DTX2: variants seen among roughly 807,000 people sequenced by gnomAD.
DTX2 encodes deltex E3 ubiquitin ligase 2.
A neutral mutation model predicts 55.3 loss-of-function variants in DTX2; 29 were observed. The observed-to-expected ratio is 0.52, with a 90% CI of 0.39 to 0.71. DTX2 has a LOEUF of 0.71. Ranked by LOEUF, DTX2 falls within the 30% of genes least tolerant of loss-of-function variation. The pLI is 0.00. For synonymous variants in DTX2, 276 were observed against 340.4 expected (o/e 0.81, Z 2.08); for missense variants, 537 against 822.5 (o/e 0.65, Z 4.25).
In DTX2 at chr7:76,505,476, C is replaced by T. The variant is rs1487446569; in HGVS notation, c.1744C>T (p.His582Tyr). The part of the protein sequence containing the change: ...ETDTVVWNEI[H>Y]HKTEMDRNIT... ...GGACACCGTGGTATGGAACGAGATC[C>T]ACCACAAGACAGAGATGGACCGCAA... is the stretch of plus-strand genomic sequence containing the variant. Residue 582 changes from histidine (H) to tyrosine (Y), a missense_variant, in exon 11 of 11, where the codon CAC becomes TAC. His to Tyr is a moderately conservative substitution (Grantham distance 83, BLOSUM62 2). Coordinates refer to ENST00000430490, the MANE Select transcript of DTX2 (RefSeq NM_001102594.3). The surrounding 1 kb of genome is among the most constrained non-coding windows in gnomAD (Gnocchi z 4.4). 1 of 1,609,032 alleles carries T rather than the reference C, an allele frequency of 6.2e-7. No individual in the cohort carries two copies. The highest frequency in any genetic ancestry group is 8.5e-7 in the Non-Finnish European group (1 of 1,177,964).
intron 3 of DTX2, 86 bp from the exon 4 acceptor site, chr7:76,482,422 A>G (rs1454594081): frequency 4.4e-6 from 6 of 1,367,812 alleles, no homozygotes; most frequent in Non-Finnish European, 1.0e-6. Context: ...CTATTTGTTT[A>G]TTTTGGCGGT....
At position 76,482,944 on chromosome 7, in the gene DTX2, T is replaced by G. The variant is rs773194901; in HGVS notation, c.705T>G (p.Ala235=). 4.3e-6 allele frequency: 7 copies of G among 1,613,708 alleles called. No homozygotes were observed. The highest frequency in any genetic ancestry group is 5.9e-6 in the Non-Finnish European group (7 of 1,179,738). The stretch of plus-strand genomic sequence containing the variant: ...CCCAGCACCCCCCACACAGGACCGC[T>G]TCTGTGTTTGGGACCCACCAGGCCT... ...PVPQHPPHRT[A]SVFGTHQAFA... is the part of the protein sequence containing the mutation. Residue 235 remains alanine, a synonymous_variant, in exon 4 of 11, where the codon GCT becomes GCG. Coordinates refer to ENST00000430490, the MANE Select transcript of DTX2 (RefSeq NM_001102594.3).
chr7:76,488,691 T>C (rs1810137853), intron 4 of DTX2, among the ~76,000 whole-genome samples: 1 of 74,358 alleles, frequency 1.3e-5, no homozygotes, highest in South Asian at 5.3e-4. Context: ...AGTTCAGGAG[T>C]TCAAGACCAG....
chr7:76,475,178 G>T (rs1321531208), intron 2 of DTX2, among the ~76,000 whole-genome samples: 1 of 151,728 alleles, frequency 6.6e-6, no homozygotes. Context: ...GGGCTTGGTG[G>T]TGGGTGCCTG....
rs73363181 is a variant in DTX2, at chr7:76,505,412, C to T, written c.1680C>T (p.Leu560=). Residue 560 remains leucine, a synonymous_variant, in exon 11 of 11, where the codon CTC becomes CTT. Coordinates refer to ENST00000430490, the MANE Select transcript of DTX2 (RefSeq NM_001102594.3). This position sits in a 1 kb window ranked among gnomAD's most constrained non-coding sequence, Gnocchi z 4.4. ...ELLKVAWKRR[L]IFTVGTSSTT... ...TGAAGGTGGCCTGGAAGAGGCGGCT[C>T]ATCTTCACAGTGGGCACGTCCAGCA... 14,129 of 1,593,714 alleles carry T rather than the reference C, an allele frequency of 8.9e-3. 690 individuals carry two copies. In the African/African-American group the frequency reaches 0.13, roughly 15 times the overall value.
chr7:76,471,852 G>A (rs1286666481), intron 2 of DTX2, among the ~76,000 whole-genome samples: 1 of 151,360 alleles, frequency 6.6e-6, no homozygotes, highest in South Asian at 2.1e-4. Context: ...CTTGGTTCTG[G>A]AGAAGCTGGT....
rs1268642616 is a variant in DTX2, at chr7:76,505,394, G to A, written c.1662G>A (p.Val554=). 1 of 1,585,342 alleles carries A rather than the reference G, an allele frequency of 6.3e-7. No individual in the cohort carries two copies. Among genetic ancestry groups the A allele is most frequent in the Non-Finnish European group, 8.6e-7 (1 of 1,166,262 alleles). The change falls in exon 11 of 11, where the codon GTG becomes GTA. Residue 554 remains valine (V), a synonymous_variant. Coordinates refer to ENST00000430490, the MANE Select transcript of DTX2 (RefSeq NM_001102594.3). This position sits in a 1 kb window ranked among gnomAD's most constrained non-coding sequence, Gnocchi z 4.4. ...GGCAGGTCCTAGAGCTCCTGAAGGTGGCCTGGAAGAGGCGGCTCATCTTCA... is the reference window on the plus strand; with the variant it reads ...GGCAGGTCCTAGAGCTCCTGAAGGTAGCCTGGAAGAGGCGGCTCATCTTCA... The part of the protein sequence containing the change: ...QGRKVLELLK[V]AWKRRLIFTV...
rs1176704515 is a variant in DTX2, at chr7:76,503,506, A to G, written c.1470A>G (p.Val490=). 1 of 1,612,974 alleles carries G rather than the reference A, an allele frequency of 6.2e-7. No individual in the cohort carries two copies. The highest frequency in any genetic ancestry group is 8.5e-7 in the Non-Finnish European group (1 of 1,179,936). The change falls in exon 9 of 11, where the codon GTA becomes GTG. Residue 490 remains valine (V), a synonymous_variant. Coordinates refer to ENST00000430490, the MANE Select transcript of DTX2 (RefSeq NM_001102594.3). ...TGTQPQGKME[V]LRFQMSLPGH... ...CCCAGCCCCAGGGAAAGATGGAGGT[A>G]TTACGGTTCCAGATGTCGCTCCCCG...
chr7:76,487,159 G>A (rs1464112611), intron 4 of DTX2, among the ~76,000 whole-genome samples: 1 of 55,586 alleles, frequency 1.8e-5, no homozygotes, highest in African/African-American at 7.9e-5. Flanking sequence ...CTGGGCTCAA[G>A]GGATCCTCCT....
In DTX2 at chr7:76,500,451, G is replaced by A. The variant is rs761244074; in HGVS notation, c.1161G>A (p.Pro387=). Residue 387 remains proline, a synonymous_variant, in exon 7 of 11, where the codon CCG becomes CCA. Coordinates refer to ENST00000430490, the MANE Select transcript of DTX2 (RefSeq NM_001102594.3). The part of the protein sequence containing the change: ...LRKMSVKGAT[P]KPEPEPEQVI... ...ACTTCTCTCTTCTAGGAGCGACCCC[G>A]AAGCCAGAGCCAGAGCCAGAGCAGG... 6 of 739,042 alleles carry A rather than the reference G, an allele frequency of 8.1e-6. No homozygotes were observed. The East Asian group carries it at 1.1e-4, about 14-fold the overall frequency. 45.8% of individuals were successfully genotyped at this position (739,042 alleles called of 1,614,324 possible).
Position 76,482,748 on chromosome 7 carries a change from G to A in DTX2, c.509G>A (p.Arg170His), listed in dbSNP as rs750077248. 22 of 1,613,818 alleles carry A rather than the reference G, an allele frequency of 1.4e-5. No individual in the cohort carries two copies. Among genetic ancestry groups the A allele is most frequent in the African/African-American group, 8.0e-5 (6 of 75,000 alleles). The change falls in exon 4 of 11, where the codon CGC becomes CAC. Residue 170 changes from arginine to histidine, a missense_variant. Around this residue, in one of 7 missense-constraint regions of DTX2, gnomAD observed 301 missense variants for 396.6 expected, o/e 0.76. Transcript: ENST00000430490. Reference protein sequence around the residue: ...TQTNKTSSFCRSVRRQAGPPY... With the variant: ...TQTNKTSSFCHSVRRQAGPPY... ...ACCAACAAGACTTCCAGCTTCTGCC[G>A]CAGCGTGCGGCGCCAAGCAGGGCCG... is the stretch of plus-strand genomic sequence containing the variant.
rs759736162 is a variant in DTX2, at chr7:76,502,377, T to C, written c.1310T>C (p.Leu437Pro). 14 of 1,612,538 alleles carry C rather than the reference T, an allele frequency of 8.7e-6. No individual in the cohort carries two copies. Among genetic ancestry groups the C allele is most frequent in the Admixed American group, 8.3e-5 (5 of 59,962 alleles). Residue 437 changes from leucine (L) to proline (P), a missense_variant, in exon 8 of 11, where the codon CTA becomes CCA. Transcript: ENST00000430490. ...ACTGACAGCAAGGCAATCGGGTCCC[T>C]AGCTGTGGGCCACCTCACCAAGTGC... ...DVTDSKAIGS[L>P]AVGHLTKCSH...
chr7:76,481,563 G>A (rs1351041163), intron 3 of DTX2, among the ~76,000 whole-genome samples: 1 of 152,068 alleles, frequency 6.6e-6, no homozygotes, highest in Non-Finnish European at 1.5e-5. Context: ...CTCTAATCTG[G>A]TGGTTGTCAC....
chr7:76,483,169 C>T (rs770326343), intron 4 of DTX2, 22 bp downstream of exon 4: 15 of 1,602,436 alleles, frequency 9.4e-6, no homozygotes, highest in African/African-American at 5.4e-5. Flanking sequence ...AACGGCCGCT[C>T]GTTTTGTCTG....
rs1812277496 is a variant in DTX2, at chr7:76,505,741, T to A, written c.*140T>A. On this transcript the variant is annotated 3_prime_UTR_variant, in exon 11 of 11. Coordinates refer to ENST00000430490, the MANE Select transcript of DTX2 (RefSeq NM_001102594.3). The surrounding 1 kb of genome is among the most constrained non-coding windows in gnomAD (Gnocchi z 4.4). ...GGTGTGCCCCACCTGAAGCCGGGGC[T>A]CCCCCTGCCTGCCTCTCTCTCCTCC... 2.3e-6 allele frequency: 2 copies of A among 858,594 alleles called. No individual in the cohort carries two copies. The highest frequency in any genetic ancestry group is 1.7e-5 in the South Asian group (1 of 59,122). The allele number at this position is 858,594 out of a possible 1,614,324, so 53.2% of individuals were successfully genotyped here.
At chr7:76,484,345 C>CG (rs1186953237) in intron 4 of DTX2, among the ~76,000 whole-genome samples, 1 of 99,442 alleles carries the variant, frequency 1.0e-5, no homozygotes, top group African/African-American at 4.4e-5. Context: ...AACTCCATCT[C>CG]GGGGGAAAAA....
At chr7:76,486,893 C>T (rs1241367675) in intron 4 of DTX2, among the ~76,000 whole-genome samples, 1 of 136,500 alleles carries the variant, frequency 7.3e-6, no homozygotes, top group Non-Finnish European at 1.7e-5. Flanking sequence ...GCTGCCCTTG[C>T]CTCTAAAAGA....
At chr7:76,481,539 G>A (rs571554992) in intron 3 of DTX2, among the ~76,000 whole-genome samples, 3 of 151,954 alleles carry the variant, frequency 2.0e-5, no homozygotes, top group Admixed American at 1.3e-4. Context: ...GTTTCCTCTC[G>A]GAGCCATCCC....
In DTX2 at chr7:76,466,981, G is replaced by T. The variant is rs144508207; in HGVS notation, c.-90+3272G>T. ...AGTGGCATAATCACGGATCACTGCC[G>T]CCCCAAATTCCTGGGTTCAATGGAT... On this transcript the variant is annotated intron_variant, in intron 2 of 10. Coordinates refer to ENST00000430490, the MANE Select transcript of DTX2 (RefSeq NM_001102594.3). Among the ~76,000 whole-genome samples the T allele has an allele frequency of 2.6e-4, 39 of 152,016 alleles. 2 individuals are homozygous for T. The South Asian group carries it at 8.1e-3, about 32-fold the overall frequency.
Sources: allele counts gnomAD v4.1 joint callset (sites outside exome capture counted in the v4.1 genomes callset), GRCh38; gene constraint gnomAD v4.1.1; regional missense constraint gnomAD v4.1.1; non-coding constraint Gnocchi (gnomAD v3.1); transcripts MANE v1.5; gene names NCBI Gene and HGNC (gene_info 2026-07-23, HGNC 2026-07-21).